Variants in LRRC7 observed in about 807,000 individuals in gnomAD.
LRRC7 encodes leucine-rich repeat-containing protein 7.
Under a neutral mutation model 175.7 loss-of-function variants are expected in LRRC7, and 23 were observed. That is an observed-to-expected ratio of 0.13 (90% CI 0.09 to 0.19). The LOEUF (loss-of-function observed/expected upper bound fraction) is 0.19, where lower values mean the gene tolerates loss of function less well. LRRC7 is among the 10% of genes least tolerant of loss of function. The pLI is 1.00. For missense variants in LRRC7, 1,354 were observed against 1,904.7 expected (o/e 0.71, Z 5.38); for synonymous variants, 685 against 680.9 (o/e 1.01, Z -0.09).
chr1:69,900,556 T>C (rs1646106179), intron 7 of LRRC7, among the ~76,000 whole-genome samples: 1 of 152,224 alleles, frequency 6.6e-6, no homozygotes, highest in Non-Finnish European at 1.5e-5. Flanking sequence ...TTATGAGTTT[T>C]ATTGTAGCAT....
chr1:69,885,157 T>C (rs545061657), intron 7 of LRRC7, among the ~76,000 whole-genome samples: 3,705 of 102,484 alleles, frequency 0.036, 532 homozygotes, highest in African/African-American at 0.14. Flanking sequence ...GATTCCCTCT[T>C]TTTCTATTGA....
At chr1:69,793,390 T>C (rs1048780818) in intron 4 of LRRC7, among the ~76,000 whole-genome samples, 5 of 152,092 alleles carry the variant, frequency 3.3e-5, no homozygotes, top group Non-Finnish European at 7.4e-5. Context: ...CAGAAAAATA[T>C]CTTGGTCACA....
chr1:69,788,094 TTC>T (rs879533196), intron 3 of LRRC7, among the ~76,000 whole-genome samples: 16 of 152,212 alleles, frequency 1.1e-4, no homozygotes, highest in Non-Finnish European at 2.1e-4. Flanking sequence ...CCCAGTTTTT[TTC>T]TAGTTCACTC....
chr1:69,590,274 T>A (rs1646579703), intron 1 of LRRC7, among the ~76,000 whole-genome samples: 2 of 152,188 alleles, frequency 1.3e-5, no homozygotes, highest in South Asian at 4.1e-4. Context: ...GGAGGCATGG[T>A]TAAGTTTCCT....
chr1:69,935,754 T>C (rs1373271596), intron 8 of LRRC7, among the ~76,000 whole-genome samples: 1 of 152,160 alleles, frequency 6.6e-6, no homozygotes, highest in Non-Finnish European at 1.5e-5. Flanking sequence ...AATTATTTCT[T>C]TTCAGTCTCT....
intron 23 of LRRC7, among the ~76,000 whole-genome samples, chr1:70,067,604 C>T (rs61784278): frequency 0.075 from 11,367 of 152,064 alleles, 533 homozygotes; most frequent in South Asian, 0.18. Flanking sequence ...CTTGTTTTAG[C>T]TATTCTAGAT....
chr1:70,051,849 G>C (rs1206880533), intron 22 of LRRC7, among the ~76,000 whole-genome samples: 1 of 151,922 alleles, frequency 6.6e-6, no homozygotes, highest in Non-Finnish European at 1.5e-5. Flanking sequence ...TAGAATGCAG[G>C]TAAGGAGGTT....
intron 1 of LRRC7, among the ~76,000 whole-genome samples, chr1:69,644,911 G>T (rs1210392649): frequency 6.6e-6 from 1 of 151,896 alleles, no homozygotes; most frequent in Non-Finnish European, 1.5e-5. Flanking sequence ...AAAAGCATTT[G>T]ACAAATTAAA....
chr1:69,805,247 G>C (rs1570013472), intron 4 of LRRC7, among the ~76,000 whole-genome samples: 2 of 151,694 alleles, frequency 1.3e-5, no homozygotes, highest in Non-Finnish European at 3.0e-5. Context: ...TCCTCTACTT[G>C]AAGGATAGGA....
At chr1:69,809,485 CA>C (rs1348947577) in intron 4 of LRRC7, among the ~76,000 whole-genome samples, 1 of 151,948 alleles carries the variant, frequency 6.6e-6, no homozygotes, top group African/African-American at 2.4e-5. Context: ...CAGAAAATTT[CA>C]GGCCAATATC....
chr1:70,060,862 A>C (rs1422482588), intron 23 of LRRC7, among the ~76,000 whole-genome samples: 1 of 152,212 alleles, frequency 6.6e-6, no homozygotes, highest in Non-Finnish European at 1.5e-5. Context: ...AGAAGCAAAT[A>C]TATCAAGTAG....
At chr1:69,961,336 A>G (rs770941853) in intron 8 of LRRC7, among the ~76,000 whole-genome samples, 1 of 152,080 alleles carries the variant, frequency 6.6e-6, no homozygotes, top group Non-Finnish European at 1.5e-5. Context: ...TCAGACATGA[A>G]ACAAACAAAT....
At position 69,631,817 on chromosome 1, in the gene LRRC7, A is replaced by G. The variant is rs144412035; in HGVS notation, c.3-46564A>G. ...TCTAGCTGGCTGCTTGATAAACTCAAACTCATAATCATCCTGCTCAGTGTG... is the reference window on the plus strand; with the variant it reads ...TCTAGCTGGCTGCTTGATAAACTCAGACTCATAATCATCCTGCTCAGTGTG... On this transcript the variant is annotated intron_variant, in intron 1 of 26. Coordinates refer to ENST00000651989, the MANE Select transcript of LRRC7 (RefSeq NM_001370785.2). 2.0e-4 allele frequency among the ~76,000 whole-genome samples: 30 copies of G among 152,180 alleles called. No individual in the cohort carries two copies. In the East Asian group the frequency reaches 5.8e-3, roughly 30 times the overall value.
At chr1:69,934,494 C>CGGGGGGGGG (rs573858643) in intron 8 of LRRC7, among the ~76,000 whole-genome samples, 1 of 46,560 alleles carries the variant, frequency 2.1e-5, no homozygotes, top group East Asian at 7.5e-4. Flanking sequence ...GATATTTTGG[C>CGGGGGGGGG]GGGGGGGGGG....
chr1:69,761,639 T>C (rs763214251), intron 3 of LRRC7, among the ~76,000 whole-genome samples: 9 of 152,008 alleles, frequency 5.9e-5, no homozygotes, highest in Non-Finnish European at 7.4e-5. Context: ...AAAAATATTA[T>C]TGACTACATG....
chr1:70,049,020 A>ATT (rs1482317156), intron 22 of LRRC7, among the ~76,000 whole-genome samples: 1 of 152,002 alleles, frequency 6.6e-6, no homozygotes, highest in Non-Finnish European at 1.5e-5. Context: ...TCTCTTGTTC[A>ATT]TTTTTTAATT....
intron 7 of LRRC7, among the ~76,000 whole-genome samples, chr1:69,870,649 C>T (rs932846036): frequency 2.0e-5 from 3 of 151,906 alleles, no homozygotes; most frequent in African/African-American, 7.3e-5. Flanking sequence ...GCCTAGAATT[C>T]CTTCTCTTTT....
At chr1:70,043,856 CTAAAGT>C in intron 21 of LRRC7, 92 bp from the exon 22 acceptor site, 1 of 1,405,118 alleles carries the variant, frequency 7.1e-7, no homozygotes, top group Non-Finnish European at 9.6e-7. Flanking sequence ...GTTTGCCTGC[CTAAAGT>C]TAAATGTTAT....
Position 70,004,849 on chromosome 1 carries a change from G to C in LRRC7, c.1005-6948G>C, listed in dbSNP as rs563379525. On this transcript the variant is annotated intron_variant, in intron 11 of 26. Coordinates refer to ENST00000651989, the MANE Select transcript of LRRC7 (RefSeq NM_001370785.2). ...CTCTCTACTTCTCTACTAAATCTTT[G>C]TTAATACAATAATAGTTTTTCAGAG... 2.3e-4 allele frequency among the ~76,000 whole-genome samples: 35 copies of C among 150,544 alleles called. 1 individual carries two copies. The South Asian group carries it at 7.1e-3, about 31-fold the overall frequency.
Sources: allele counts gnomAD v4.1 joint callset (sites outside exome capture counted in the v4.1 genomes callset), GRCh38; gene constraint gnomAD v4.1.1; transcripts MANE v1.5; gene names NCBI Gene and HGNC (gene_info 2026-07-23, HGNC 2026-07-21).